Variants in TBC1D15 observed in about 807,000 individuals in gnomAD.
TBC1D15 encodes GAP for RAB7.
TBC1D15 carries 39 observed loss-of-function variants against 95.4 expected under a neutral mutation model. That is an observed-to-expected ratio of 0.41 (90% CI 0.32 to 0.53). TBC1D15 has a LOEUF of 0.53. TBC1D15 is among the 20% of genes least tolerant of loss of function. The pLI is 0.29. For synonymous variants in TBC1D15, 258 were observed against 261.3 expected (o/e 0.99, Z 0.12); for missense variants, 733 against 794.3 (o/e 0.92, Z 0.93).
chr12:71,873,476 G>C (rs537132820), intron 3 of TBC1D15, among the ~76,000 whole-genome samples: 11 of 152,246 alleles, frequency 7.2e-5, no homozygotes, highest in Non-Finnish European at 1.3e-4. Context: ...TTCATCAATT[G>C]ATGGACATTT....
Position 71,846,174 on chromosome 12 carries a change from A to G in TBC1D15, c.30+6363A>G, listed in dbSNP as rs1195470649. On this transcript the variant is annotated intron_variant, in intron 1 of 16. Coordinates refer to ENST00000485960, the MANE Select transcript of TBC1D15 (RefSeq NM_001146213.3). ...GTCACCAGAACTCTTTTAATAAGGTATATCTGACATAGCTCCTTTGCTAGA... is the reference window on the plus strand; with the variant it reads ...GTCACCAGAACTCTTTTAATAAGGTGTATCTGACATAGCTCCTTTGCTAGA... Among the ~76,000 whole-genome samples, 5 of 152,220 alleles carry G rather than the reference A, an allele frequency of 3.3e-5. No individual in the cohort carries two copies. In the East Asian group the frequency reaches 5.8e-4, roughly 18 times the overall value.
chr12:71,920,631 C>T, intron 14 of TBC1D15, 100 bp from the exon 15 acceptor site: 2 of 921,070 alleles, frequency 2.2e-6, no homozygotes, highest in South Asian at 1.4e-5. Context: ...CAGGCAACAT[C>T]TACTTTGCAT....
At chr12:71,913,209 CA>C (rs1168974551) in intron 11 of TBC1D15, among the ~76,000 whole-genome samples, 5 of 151,446 alleles carry the variant, frequency 3.3e-5, no homozygotes, top group African/African-American at 4.9e-5. Flanking sequence ...TAGAGAGTAA[CA>C]AAAAAAGAAA....
intron 3 of TBC1D15, among the ~76,000 whole-genome samples, chr12:71,877,313 C>A (rs1215979882): frequency 6.7e-6 from 1 of 148,402 alleles, no homozygotes; most frequent in Non-Finnish European, 1.5e-5. Context: ...TTTTTTAATA[C>A]ATTGTGCTGG....
intron 1 of TBC1D15, among the ~76,000 whole-genome samples, chr12:71,857,907 T>C (rs1210625533): frequency 6.6e-6 from 1 of 152,224 alleles, no homozygotes; most frequent in African/African-American, 2.4e-5. Context: ...TGAAGCCAAC[T>C]GTTTTAGCTT....
At chr12:71,882,638 T>C (rs1180914490) in intron 4 of TBC1D15, among the ~76,000 whole-genome samples, 1 of 152,226 alleles carries the variant, frequency 6.6e-6, no homozygotes, top group Non-Finnish European at 1.5e-5. Flanking sequence ...TATTTCTGGC[T>C]AGCTATTTGC....
At chr12:71,848,656 A>G (rs1565938884) in intron 1 of TBC1D15, among the ~76,000 whole-genome samples, 1 of 152,094 alleles carries the variant, frequency 6.6e-6, no homozygotes, top group Non-Finnish European at 1.5e-5. Context: ...ATTTTTATTC[A>G]TCTTATATAA....
intron 13 of TBC1D15, 144 bp downstream of exon 13, chr12:71,917,941 T>A: frequency 3.6e-6 from 2 of 548,878 alleles, no homozygotes; most frequent in African/African-American, 1.9e-5. Context: ...GAGGATTACT[T>A]GCACCCAGGA....
chr12:71,878,382 A>T (rs1003434590), intron 3 of TBC1D15, among the ~76,000 whole-genome samples: 2 of 152,040 alleles, frequency 1.3e-5, no homozygotes, highest in East Asian at 3.9e-4. Flanking sequence ...GCCTTTTTGT[A>T]TGCAGAGTTG....
intron 11 of TBC1D15, among the ~76,000 whole-genome samples, chr12:71,908,947 T>G (rs1311822656): frequency 6.6e-6 from 1 of 152,186 alleles, no homozygotes; most frequent in Non-Finnish European, 1.5e-5. Flanking sequence ...TTGCCATTTA[T>G]TTTAGTTTCT....
At chr12:71,893,943 A>T (rs1897683128) in intron 6 of TBC1D15, among the ~76,000 whole-genome samples, 2 of 151,330 alleles carry the variant, frequency 1.3e-5, no homozygotes, top group Admixed American at 1.3e-4. Context: ...AGATGTAAAG[A>T]TTAATAAGAT....
chr12:71,847,523 T>C (rs1389782725), intron 1 of TBC1D15, among the ~76,000 whole-genome samples: 2 of 151,542 alleles, frequency 1.3e-5, no homozygotes, highest in African/African-American at 4.9e-5. Context: ...AGTGAAACCT[T>C]GTCTCTACTA....
At chr12:71,881,082 T>C (rs1895032499) in intron 4 of TBC1D15, among the ~76,000 whole-genome samples, 1 of 152,198 alleles carries the variant, frequency 6.6e-6, no homozygotes, top group Non-Finnish European at 1.5e-5. Flanking sequence ...ATGTGCCACA[T>C]AACAGCATTT....
chr12:71,922,364 C>T (rs959910992), intron 16 of TBC1D15, among the ~76,000 whole-genome samples: 1 of 151,640 alleles, frequency 6.6e-6, no homozygotes, highest in Non-Finnish European at 1.5e-5. Context: ...GGATTACAGG[C>T]GTGACCCATC....
intron 5 of TBC1D15, among the ~76,000 whole-genome samples, chr12:71,889,239 T>C (rs1256450740): frequency 2.0e-5 from 3 of 152,226 alleles, no homozygotes. Context: ...GTGGCTGCTC[T>C]TCTTGGGGAA....
intron 1 of TBC1D15, among the ~76,000 whole-genome samples, chr12:71,866,411 AGTT>A (rs2138211302): frequency 6.6e-6 from 1 of 152,246 alleles, no homozygotes; most frequent in Admixed American, 6.5e-5. Flanking sequence ...TAGGTGTCTA[AGTT>A]GTTGGTGGAG....
At chr12:71,880,966 A>G (rs372869882) in intron 4 of TBC1D15, among the ~76,000 whole-genome samples, 2 of 152,220 alleles carry the variant, frequency 1.3e-5, no homozygotes, top group African/African-American at 4.8e-5. Context: ...ATACCACTAA[A>G]TCATACCATT....
In TBC1D15 at chr12:71,880,738, C is replaced by T. The variant is rs1005988591; in HGVS notation, c.343+131C>T. On this transcript the variant is annotated intron_variant, in intron 4 of 16. Transcript: ENST00000485960. ...ATTTCTTTGGTTAATAGGTATAAAT[C>T]TCATATTTTAGTTATATTCCCTTTT... 1.9e-5 allele frequency: 20 copies of T among 1,037,974 alleles called. No homozygotes were observed. The East Asian group carries it at 5.8e-4, about 30-fold the overall frequency. The allele number at this position is 1,037,974 out of a possible 1,614,324, so 64.3% of individuals were successfully genotyped here. A position where few individuals can be genotyped will look rare whatever the true frequency, so the allele number is the denominator to read the frequency against.
chr12:71,878,542 GTCTC>G (rs965355122), intron 3 of TBC1D15, among the ~76,000 whole-genome samples: 12 of 150,646 alleles, frequency 8.0e-5, no homozygotes, highest in African/African-American at 2.9e-4. Flanking sequence ...TTTTGGAGGA[GTCTC>G]TCTCTTTCAT....
Sources: allele counts gnomAD v4.1 joint callset (sites outside exome capture counted in the v4.1 genomes callset), GRCh38; gene constraint gnomAD v4.1.1; transcripts MANE v1.5; gene names NCBI Gene and HGNC (gene_info 2026-07-23, HGNC 2026-07-21).